Variants in PARN observed in about 807,000 individuals in gnomAD.
The protein encoded by PARN is poly(A)-specific ribonuclease PARN.
PARN carries 71 observed loss-of-function variants against 102.8 expected under a neutral mutation model. That is an observed-to-expected ratio of 0.69 (90% CI 0.57 to 0.84). PARN has a LOEUF of 0.84. PARN is among the 40% of genes least tolerant of loss of function. The pLI is 0.00. For synonymous variants in PARN, 261 were observed against 252.9 expected (o/e 1.03, Z -0.30); for missense variants, 782 against 760.9 (o/e 1.03, Z -0.33).
intron 21 of PARN, among the ~76,000 whole-genome samples, chr16:14,537,353 A>G (rs1380724444): frequency 6.6e-6 from 1 of 152,220 alleles, no homozygotes; most frequent in Non-Finnish European, 1.5e-5. Flanking sequence ...ATGGAAAATT[A>G]GGATGGCTAC....
intron 22 of PARN, among the ~76,000 whole-genome samples, chr16:14,477,420 A>G (rs1330167650): frequency 6.7e-6 from 1 of 150,206 alleles, no homozygotes; most frequent in Middle Eastern, 3.2e-3. Flanking sequence ...CAGCCTGGCA[A>G]CAGAGCGAGA....
At chr16:14,551,945 T>C in intron 21 of PARN, 76 bp downstream of exon 21, 2 of 904,174 alleles carry the variant, frequency 2.2e-6, no homozygotes, top group Non-Finnish European at 3.6e-6. Context: ...AGCCCATAGC[T>C]TTTAAATTAA....
At chr16:14,614,093 TA>T (rs1971707129) in intron 6 of PARN, among the ~76,000 whole-genome samples, 1 of 151,806 alleles carries the variant, frequency 6.6e-6, no homozygotes, top group Non-Finnish European at 1.5e-5. Context: ...CCTGCCTCTA[TA>T]AAAAACATAA....
intron 21 of PARN, among the ~76,000 whole-genome samples, chr16:14,545,835 G>A (rs1006911906): frequency 1.3e-5 from 2 of 152,116 alleles, no homozygotes; most frequent in Non-Finnish European, 2.9e-5. Flanking sequence ...CAACAACCTC[G>A]AGGACGCCAG....
At chr16:14,459,850 T>C (rs1480978530) in intron 22 of PARN, among the ~76,000 whole-genome samples, 1 of 152,208 alleles carries the variant, frequency 6.6e-6, no homozygotes, top group East Asian at 1.9e-4. Context: ...CCCATACGTA[T>C]ATGACCAAAT....
intron 21 of PARN, among the ~76,000 whole-genome samples, chr16:14,489,899 T>C (rs940631735): frequency 3.3e-5 from 5 of 152,266 alleles, no homozygotes; most frequent in African/African-American, 1.2e-4. Context: ...CTGGACATGG[T>C]GGCTCATGCC....
At chr16:14,537,047 A>G (rs1275131317) in intron 21 of PARN, among the ~76,000 whole-genome samples, 1 of 152,216 alleles carries the variant, frequency 6.6e-6, no homozygotes, top group African/African-American at 2.4e-5. Flanking sequence ...CTATCCAAAA[A>G]GGGACTAATA....
intron 22 of PARN, among the ~76,000 whole-genome samples, chr16:14,448,815 C>G (rs537688264): frequency 1.3e-5 from 2 of 152,278 alleles, no homozygotes; most frequent in African/African-American, 2.4e-5. Flanking sequence ...GGCTGGCTAG[C>G]CTTTCATTTG....
chr16:14,531,900 A>T (rs879345966), intron 21 of PARN, among the ~76,000 whole-genome samples: 12 of 126,520 alleles, frequency 9.5e-5, no homozygotes, highest in East Asian at 2.2e-4. Context: ...CCATTTCTTT[A>T]AAAAAAAAAA....
At chr16:14,542,567 TA>T (rs201515639) in intron 21 of PARN, among the ~76,000 whole-genome samples, 35,429 of 148,470 alleles carry the variant, frequency 0.24, 4,641 homozygotes, top group Middle Eastern at 0.32. Flanking sequence ...TCAAAAAAAT[TA>T]AAAAAAAAAA....
chr16:14,612,251 A>C (rs1971561382), intron 6 of PARN, among the ~76,000 whole-genome samples: 1 of 152,092 alleles, frequency 6.6e-6, no homozygotes, highest in African/African-American at 2.4e-5. Flanking sequence ...AGCCTGGCCA[A>C]CATGGTGAAA....
chr16:14,515,943 AT>A (rs1965435694), intron 21 of PARN, among the ~76,000 whole-genome samples: 1 of 152,222 alleles, frequency 6.6e-6, no homozygotes, highest in Non-Finnish European at 1.5e-5. Context: ...TCGACTAAAA[AT>A]AAATAAGTAA....
In PARN at chr16:14,630,209, G is replaced by A. The variant is rs947084897; in HGVS notation, c.-84C>T. ...ACTCGCCGAATTCCGCGGCGACTGCGGCAGTAGCTGAGGCAGCCGCAGCGG... is the reference window on the plus strand; with the variant it reads ...ACTCGCCGAATTCCGCGGCGACTGCAGCAGTAGCTGAGGCAGCCGCAGCGG... On this transcript the variant is annotated 5_prime_UTR_variant, in exon 1 of 24. Coordinates refer to ENST00000437198, the MANE Select transcript of PARN (RefSeq NM_002582.4). 19 of 1,248,686 alleles carry A rather than the reference G, an allele frequency of 1.5e-5. 1 individual carries two copies. The highest frequency in any genetic ancestry group is 6.3e-5 in the Admixed American group (3 of 47,544). 77.4% of individuals were successfully genotyped at this position (1,248,686 alleles called of 1,614,324 possible). A position where few individuals can be genotyped will look rare whatever the true frequency, so the allele number is the denominator to read the frequency against.
At chr16:14,516,873 T>C (rs1201541063) in intron 21 of PARN, among the ~76,000 whole-genome samples, 3 of 152,170 alleles carry the variant, frequency 2.0e-5, no homozygotes, top group Non-Finnish European at 2.9e-5. Flanking sequence ...AATGTAAATA[T>C]GGTATAATTA....
intron 22 of PARN, among the ~76,000 whole-genome samples, chr16:14,471,711 A>T (rs1022706339): frequency 5.3e-5 from 8 of 152,288 alleles, no homozygotes; most frequent in South Asian, 2.1e-4. Context: ...GTCTCTATGA[A>T]TCTGACTTAC....
chr16:14,492,521 A>G (rs556323744), intron 21 of PARN, among the ~76,000 whole-genome samples: 1 of 152,254 alleles, frequency 6.6e-6, no homozygotes, highest in Admixed American at 6.5e-5. Flanking sequence ...ATCGGCACCC[A>G]ACTAGGATGT....
chr16:14,493,325 C>T (rs1421971487), intron 21 of PARN, among the ~76,000 whole-genome samples: 1 of 152,170 alleles, frequency 6.6e-6, no homozygotes, highest in African/African-American at 2.4e-5. Context: ...AAGCAATCCT[C>T]CCACCTCAGC....
At chr16:14,583,995 C>G (rs1969689037) in intron 16 of PARN, among the ~76,000 whole-genome samples, 1 of 152,188 alleles carries the variant, frequency 6.6e-6, no homozygotes. Context: ...TACTCTACCC[C>G]TGGTGATTAA....
intron 21 of PARN, among the ~76,000 whole-genome samples, chr16:14,488,983 T>C (rs1211686640): frequency 2.6e-5 from 4 of 152,076 alleles, no homozygotes; most frequent in African/African-American, 4.8e-5. Context: ...TGGAATATTG[T>C]CTAAGAGAAA....
Sources: gnomAD v4.1 joint callset for allele counts (sites outside exome capture counted in the v4.1 genomes callset) on GRCh38, gnomAD v4.1.1 for gene constraint, MANE v1.5 for transcripts, NCBI Gene and HGNC (gene_info 2026-07-23, HGNC 2026-07-21) for gene names.